Variants in PALM2AKAP2 observed in about 807,000 individuals in gnomAD.
The protein encoded by PALM2AKAP2 is PALM2-AKAP2 fusion protein.
In PALM2AKAP2, 37 loss-of-function variants were observed where a neutral mutation model predicts 71.5. That is an observed-to-expected ratio of 0.52 (90% CI 0.40 to 0.68). PALM2AKAP2 has a LOEUF of 0.68. Among genes scored for constraint, PALM2AKAP2 ranks in the 30% least tolerant of loss-of-function variants. The pLI, the probability that PALM2AKAP2 is intolerant of heterozygous loss-of-function variation, is 0.00. For missense variants in PALM2AKAP2, 1,224 were observed against 1,191.8 expected, an observed-to-expected ratio of 1.03 and a Z score of -0.40; for synonymous variants, 468 against 478.8, an observed-to-expected ratio of 0.98 and a Z score of 0.29.
chr9:109,711,923 G>A (rs545477049), intron 1 of PALM2AKAP2, among the ~76,000 whole-genome samples: 1 of 152,170 alleles, frequency 6.6e-6, no homozygotes, highest in South Asian at 2.1e-4. Flanking sequence ...ACTTATTAAT[G>A]AAGACATTCC....
chr9:109,758,063 C>T (rs1014067090), intron 1 of PALM2AKAP2, among the ~76,000 whole-genome samples: 6 of 151,998 alleles, frequency 3.9e-5, no homozygotes, highest in African/African-American at 1.2e-4. Context: ...CAAGTATATA[C>T]AAGCAAATAC....
At chr9:110,090,919 T>C (rs1455689402) in intron 1 of PALM2AKAP2, among the ~76,000 whole-genome samples, 1 of 152,136 alleles carries the variant, frequency 6.6e-6, no homozygotes, top group Non-Finnish European at 1.5e-5. Context: ...AAGCTGGGAA[T>C]GTATGAACGG....
At chr9:109,682,850 A>G (rs1029016757) in intron 1 of PALM2AKAP2, among the ~76,000 whole-genome samples, 3 of 152,202 alleles carry the variant, frequency 2.0e-5, no homozygotes, top group Admixed American at 6.5e-5. Context: ...CCTCCAAAAA[A>G]CATACTTATG....
chr9:109,766,384 G>A (rs1829154103), intron 1 of PALM2AKAP2, among the ~76,000 whole-genome samples: 1 of 152,142 alleles, frequency 6.6e-6, no homozygotes, highest in African/African-American at 2.4e-5. Context: ...AGCTAGACTG[G>A]GCAAGGGAGG....
At chr9:109,808,711 G>A (rs1827644243) in intron 1 of PALM2AKAP2, among the ~76,000 whole-genome samples, 1 of 152,188 alleles carries the variant, frequency 6.6e-6, no homozygotes, top group African/African-American at 2.4e-5. Flanking sequence ...AAACAATGGG[G>A]AAAATATCTC....
chr9:110,006,181 T>C (rs1832777282), intron 6 of PALM2AKAP2, among the ~76,000 whole-genome samples: 1 of 152,062 alleles, frequency 6.6e-6, no homozygotes, highest in Non-Finnish European at 1.5e-5. Flanking sequence ...CTCTTTTCTT[T>C]TTTTTTCTTT....
At chr9:109,707,891 T>C (rs1429765282) in intron 1 of PALM2AKAP2, among the ~76,000 whole-genome samples, 1 of 152,150 alleles carries the variant, frequency 6.6e-6, no homozygotes, top group Non-Finnish European at 1.5e-5. Flanking sequence ...CCGATACCAA[T>C]AGCTCCCATT....
At chr9:110,147,493 TCATTACAA>T (rs941875219) in intron 2 of PALM2AKAP2, among the ~76,000 whole-genome samples, 12 of 152,296 alleles carry the variant, frequency 7.9e-5, no homozygotes, top group Admixed American at 7.8e-4. Context: ...ATTGTTGTTG[TCATTACAA>T]CATTACAACA....
At chr9:109,902,904 C>T (rs554213227) in intron 3 of PALM2AKAP2, among the ~76,000 whole-genome samples, 20 of 152,258 alleles carry the variant, frequency 1.3e-4, no homozygotes, top group African/African-American at 4.8e-4. Context: ...AGTGCCGGTC[C>T]CTACTCAGTT....
At chr9:110,035,231 T>A (rs1218857441) in intron 7 of PALM2AKAP2, among the ~76,000 whole-genome samples, 2 of 141,744 alleles carry the variant, frequency 1.4e-5, no homozygotes, top group African/African-American at 2.5e-5. Flanking sequence ...AAAATATATA[T>A]AATATAATAT....
chr9:109,682,540 A>C (rs1157490894), intron 1 of PALM2AKAP2, among the ~76,000 whole-genome samples: 1 of 152,224 alleles, frequency 6.6e-6, no homozygotes, highest in Non-Finnish European at 1.5e-5. Context: ...AGGCCCAGAG[A>C]GAAAGGACTT....
chr9:110,004,917 G>T (rs1303570391), intron 6 of PALM2AKAP2, among the ~76,000 whole-genome samples: 1 of 152,146 alleles, frequency 6.6e-6, no homozygotes, highest in Non-Finnish European at 1.5e-5. Flanking sequence ...GGTTATTCTA[G>T]TTAGCCATTC....
At chr9:109,834,702 G>C (rs549534640) in intron 1 of PALM2AKAP2, among the ~76,000 whole-genome samples, 31 of 152,290 alleles carry the variant, frequency 2.0e-4, no homozygotes, top group African/African-American at 7.0e-4. Context: ...CCACATGCTA[G>C]GCACTGTGTT....
chr9:109,823,438 T>G (rs1300097020), intron 1 of PALM2AKAP2, among the ~76,000 whole-genome samples: 8 of 152,198 alleles, frequency 5.3e-5, no homozygotes, highest in Non-Finnish European at 1.2e-4. Context: ...AACAAGTTCT[T>G]AGCCTGTCTG....
intron 1 of PALM2AKAP2, among the ~76,000 whole-genome samples, chr9:110,122,426 AT>A: frequency 6.6e-6 from 1 of 152,284 alleles, no homozygotes. Context: ...GCACTGCTGC[AT>A]TTTGGGGATT....
intron 2 of PALM2AKAP2, among the ~76,000 whole-genome samples, chr9:109,880,068 T>C (rs900873465): frequency 6.6e-5 from 10 of 152,052 alleles, no homozygotes; most frequent in Non-Finnish European, 1.3e-4. Context: ...AAGAAGGGAG[T>C]CATTGAAGAA....
At chr9:110,071,668 G>A (rs1488669963) in intron 1 of PALM2AKAP2, among the ~76,000 whole-genome samples, 1 of 152,150 alleles carries the variant, frequency 6.6e-6, no homozygotes, top group Non-Finnish European at 1.5e-5. Flanking sequence ...ATTGCTCTAT[G>A]CCCTGATACA....
chr9:110,096,599 G>A (rs1242052276), intron 1 of PALM2AKAP2, among the ~76,000 whole-genome samples: 1 of 152,128 alleles, frequency 6.6e-6, no homozygotes, highest in Non-Finnish European at 1.5e-5. Context: ...TGGTGGGGAC[G>A]TTGGGGTGAC....
rs61199646 is a variant in PALM2AKAP2, at chr9:109,941,482, A to C, written c.496+9454A>C. Among the ~76,000 whole-genome samples the C allele has an allele frequency of 9.4e-3, 1,433 of 152,288 alleles. 27 individuals are homozygous for C. Among genetic ancestry groups the C allele is most frequent in the African/African-American group, 0.033 (1,375 of 41,556 alleles). ...AAAGAACAAGTCAGGTGTGATTCTC[A>C]GGCCTGTGGCTTGAGAGACTAGGTA... On this transcript the variant is annotated intron_variant, in intron 6 of 9. Coordinates refer to the PALM2AKAP2 transcript ENST00000302798.
Sources: gnomAD v4.1 joint callset for allele counts (sites outside exome capture counted in the v4.1 genomes callset) on GRCh38, gnomAD v4.1.1 for gene constraint, MANE v1.5 for transcripts, NCBI Gene and HGNC (gene_info 2026-07-23, HGNC 2026-07-21) for gene names.